RUNX2: variants seen among roughly 807,000 people sequenced by gnomAD.
RUNX2 encodes the protein runt-related transcription factor 2.
RUNX2 carries 10 observed loss-of-function variants against 51.7 expected under a neutral mutation model. The ratio of observed to expected loss-of-function variants is 0.19; its 90% CI spans 0.12 to 0.33. The LOEUF is 0.33. Among genes scored for constraint, RUNX2 ranks in the 10% least tolerant of loss-of-function variants. The pLI is 1.00. For missense variants in RUNX2, 562 were observed against 691.3 expected (o/e 0.81, Z 2.10); for synonymous variants, 276 against 273.6 (o/e 1.01, Z -0.09).
chr6:45,340,403 A>C (rs1316031890), intron 2 of RUNX2, among the ~76,000 whole-genome samples: 1 of 152,102 alleles, frequency 6.6e-6, no homozygotes, highest in Non-Finnish European at 1.5e-5. Context: ...AGCTCACTGC[A>C]ACTTTGACCT....
intron 6 of RUNX2, among the ~76,000 whole-genome samples, chr6:45,497,360 G>T (rs186411439): frequency 6.6e-6 from 1 of 152,208 alleles, no homozygotes; most frequent in Admixed American, 6.5e-5. Flanking sequence ...CTTCACTCAG[G>T]AGTAGATTCT....
At chr6:45,384,762 G>A (rs9472478) in intron 2 of RUNX2, among the ~76,000 whole-genome samples, 4 of 119,620 alleles carry the variant, frequency 3.3e-5, no homozygotes, top group African/African-American at 6.6e-5. Flanking sequence ...CTATCTCCCA[G>A]ACTGGAGTGC....
chr6:45,387,813 C>A (rs576256352), intron 2 of RUNX2, among the ~76,000 whole-genome samples: 2 of 152,222 alleles, frequency 1.3e-5, no homozygotes, highest in South Asian at 4.2e-4. Context: ...TTCAGAGAGG[C>A]ATATTAATGA....
At chr6:45,470,193 T>C (rs1178985998) in intron 5 of RUNX2, among the ~76,000 whole-genome samples, 1 of 152,222 alleles carries the variant, frequency 6.6e-6, no homozygotes, top group Non-Finnish European at 1.5e-5. Flanking sequence ...AACAGCTCTT[T>C]GTTTATAATT....
chr6:45,411,420 T>C (rs1473022533), intron 2 of RUNX2, among the ~76,000 whole-genome samples: 6 of 152,178 alleles, frequency 3.9e-5, no homozygotes, highest in East Asian at 1.9e-4. Context: ...TATAGAAAGT[T>C]TGACTTTGAA....
At chr6:45,390,878 T>G (rs1034157781) in intron 2 of RUNX2, among the ~76,000 whole-genome samples, 12 of 152,210 alleles carry the variant, frequency 7.9e-5, no homozygotes, top group Non-Finnish European at 1.3e-4. Context: ...GAAAACTCCT[T>G]CAAAATTACT....
chr6:45,476,630 A>T (rs1799963394), intron 5 of RUNX2, among the ~76,000 whole-genome samples: 1 of 152,198 alleles, frequency 6.6e-6, no homozygotes, highest in African/African-American at 2.4e-5. Context: ...TTAAAATAAC[A>T]TGACTAAGAT....
At chr6:45,450,385 G>A (rs1172027362) in intron 5 of RUNX2, among the ~76,000 whole-genome samples, 3 of 152,070 alleles carry the variant, frequency 2.0e-5, no homozygotes, top group South Asian at 2.1e-4. Context: ...AAATATTTCC[G>A]GCATGGGAAC....
At chr6:45,387,266 G>A (rs1476052829) in intron 2 of RUNX2, among the ~76,000 whole-genome samples, 1 of 152,188 alleles carries the variant, frequency 6.6e-6, no homozygotes, top group Non-Finnish European at 1.5e-5. Flanking sequence ...CAAAATCTCA[G>A]TGGCTATGAC....
At chr6:45,341,419 T>C (rs879591083) in intron 2 of RUNX2, among the ~76,000 whole-genome samples, 4 of 152,204 alleles carry the variant, frequency 2.6e-5, no homozygotes, top group African/African-American at 4.8e-5. Flanking sequence ...TTTAACTTGA[T>C]AGGTAATATT....
chr6:45,420,385 A>G (rs1209853525), intron 2 of RUNX2, among the ~76,000 whole-genome samples: 1 of 152,074 alleles, frequency 6.6e-6, no homozygotes, highest in Non-Finnish European at 1.5e-5. Context: ...CTAAAACCAG[A>G]CAGGGAGGGT....
chr6:45,359,559 T>C (rs1288671153), intron 2 of RUNX2, among the ~76,000 whole-genome samples: 1 of 152,196 alleles, frequency 6.6e-6, no homozygotes, highest in Non-Finnish European at 1.5e-5. Context: ...AGGATAGACA[T>C]TTAAATATTC....
At chr6:45,368,964 ATGTGAAAAAT>A (rs1795596039) in intron 2 of RUNX2, among the ~76,000 whole-genome samples, 1 of 151,812 alleles carries the variant, frequency 6.6e-6, no homozygotes, top group Admixed American at 6.6e-5. Context: ...ATTTCTTCTG[ATGTGAAAAAT>A]AATACCAAAT....
At chr6:45,494,982 C>T (rs1671278926) in intron 6 of RUNX2, among the ~76,000 whole-genome samples, 1 of 152,184 alleles carries the variant, frequency 6.6e-6, no homozygotes, top group Admixed American at 6.5e-5. Context: ...ACGTGCTTCT[C>T]TCTGTACCCC....
intron 5 of RUNX2, among the ~76,000 whole-genome samples, chr6:45,439,647 C>G (rs1798784430): frequency 6.6e-6 from 1 of 151,838 alleles, no homozygotes; most frequent in East Asian, 1.9e-4. Flanking sequence ...CTTGGAAAAA[C>G]CATTTGCGTG....
chr6:45,381,805 G>T (rs1037083698), intron 2 of RUNX2, among the ~76,000 whole-genome samples: 3 of 152,166 alleles, frequency 2.0e-5, no homozygotes, highest in Non-Finnish European at 4.4e-5. Flanking sequence ...GGGGGTTGGG[G>T]TGCCACAAAA....
chr6:45,518,073 T>G (rs1023621623), intron 7 of RUNX2, among the ~76,000 whole-genome samples: 1 of 152,220 alleles, frequency 6.6e-6, no homozygotes, highest in African/African-American at 2.4e-5. Context: ...AACCAGAAAG[T>G]TAAAGCAACC....
At chr6:45,418,239 G>T (rs556820048) in intron 2 of RUNX2, among the ~76,000 whole-genome samples, 1 of 152,322 alleles carries the variant, frequency 6.6e-6, no homozygotes, top group South Asian at 2.1e-4. Flanking sequence ...TATGGGTTCT[G>T]TTCCCAGTCA....
intron 3 of RUNX2, among the ~76,000 whole-genome samples, chr6:45,425,273 A>G (rs3828723): frequency 0.08 from 12,153 of 152,286 alleles, 710 homozygotes; most frequent in South Asian, 0.18. Context: ...GAACATGAGC[A>G]TTTTGGATGG....
Sources: gnomAD v4.1 joint callset for allele counts (sites outside exome capture counted in the v4.1 genomes callset) on GRCh38, gnomAD v4.1.1 for gene constraint, MANE v1.5 for transcripts, NCBI Gene and HGNC (gene_info 2026-07-23, HGNC 2026-07-21) for gene names.